AP3B1: variants seen among roughly 807,000 people sequenced by gnomAD.
AP3B1 encodes the protein adaptor related protein complex 3 subunit beta 1.
In AP3B1, 61 loss-of-function variants were observed where a neutral mutation model predicts 132.5. That is an observed-to-expected ratio of 0.46 (90% CI 0.37 to 0.57). AP3B1 has a LOEUF of 0.57. AP3B1 is among the 20% of genes least tolerant of loss of function. The pLI, the probability that AP3B1 is intolerant of heterozygous loss-of-function variation, is 0.00. For synonymous variants in AP3B1, 388 were observed against 438.3 expected, an observed-to-expected ratio of 0.89 and a Z score of 1.43; for missense variants, 1,120 against 1,289.4, an observed-to-expected ratio of 0.87 and a Z score of 2.01.
intron 6 of AP3B1, among the ~76,000 whole-genome samples, chr5:78,223,327 T>C (rs1746268745): frequency 6.6e-6 from 1 of 152,054 alleles, no homozygotes; most frequent in African/African-American, 2.4e-5. Context: ...AATAAACATA[T>C]AGTATATAAC....
At chr5:78,274,374 T>C (rs1444251372) in intron 1 of AP3B1, among the ~76,000 whole-genome samples, 1 of 147,170 alleles carries the variant, frequency 6.8e-6, no homozygotes, top group Non-Finnish European at 1.5e-5. Flanking sequence ...ATGGAAAAAA[T>C]AGAACAGAGC....
chr5:78,086,994 A>G (rs183023807), intron 22 of AP3B1, among the ~76,000 whole-genome samples: 2 of 152,314 alleles, frequency 1.3e-5, no homozygotes, highest in East Asian at 1.9e-4. Flanking sequence ...TAACACACCT[A>G]TATCAATCTG....
intron 17 of AP3B1, among the ~76,000 whole-genome samples, chr5:78,119,100 C>T (rs141358175): frequency 3.5e-3 from 539 of 152,350 alleles, no homozygotes; most frequent in African/African-American, 0.012. Flanking sequence ...TGACCTCTAG[C>T]AAACTCCAAC....
rs145445520 is a variant in AP3B1, at chr5:78,256,562, T to C, written c.204+10958A>G. Among the ~76,000 whole-genome samples the C allele has an allele frequency of 2.4e-3, 366 of 152,182 alleles. 1 individual carries two copies. The highest frequency in any genetic ancestry group is 8.1e-3 in the African/African-American group (335 of 41,548). The stretch of plus-strand genomic sequence containing the variant: ...CACTGAAGAAAAGCCCAGGACCCGA[T>C]AGCTTAACTGCTAAATTCTACCAAA... On this transcript the variant is annotated intron_variant, in intron 2 of 26. Transcript: ENST00000255194.
chr5:78,067,823 AT>A (rs1208153985), intron 22 of AP3B1, among the ~76,000 whole-genome samples: 1 of 152,194 alleles, frequency 6.6e-6, no homozygotes, highest in African/African-American at 2.4e-5. Context: ...AAGCTCTCAA[AT>A]TGACATCCTA....
chr5:78,002,289 A>G (rs889611344), downstream of AP3B1: 37 of 246,038 alleles, frequency 1.5e-4, no homozygotes, highest in African/African-American at 6.7e-4. Context: ...GAACTTCAGG[A>G]TTATTAATAG....
chr5:78,136,179 C>T (rs1752902708), intron 15 of AP3B1, among the ~76,000 whole-genome samples: 1 of 152,038 alleles, frequency 6.6e-6, no homozygotes, highest in South Asian at 2.1e-4. Flanking sequence ...AAGAATACAG[C>T]AGTTGCTCGC....
At chr5:78,066,534 T>C (rs1458686926) in intron 22 of AP3B1, among the ~76,000 whole-genome samples, 3 of 152,206 alleles carry the variant, frequency 2.0e-5, no homozygotes, top group East Asian at 1.9e-4. Flanking sequence ...CAAGTATCAA[T>C]AGCCAAACAG....
chr5:78,110,123 C>A, intron 20 of AP3B1, 84 bp downstream of exon 20: 1 of 1,212,390 alleles, frequency 8.2e-7, no homozygotes, highest in Non-Finnish European at 1.2e-6. Flanking sequence ...AATAAAATCA[C>A]AGGAGTAGAT....
At chr5:78,148,985 G>A (rs1380878326) in intron 14 of AP3B1, among the ~76,000 whole-genome samples, 2 of 151,972 alleles carry the variant, frequency 1.3e-5, no homozygotes, top group Admixed American at 6.6e-5. Flanking sequence ...TGTCCATTTC[G>A]GCGGCTTTGA....
At chr5:78,123,135 G>C (rs1478889717) in intron 17 of AP3B1, among the ~76,000 whole-genome samples, 2 of 152,222 alleles carry the variant, frequency 1.3e-5, no homozygotes, top group Non-Finnish European at 2.9e-5. Context: ...GGGAAAACTG[G>C]CTAGCCAGAT....
intron 16 of AP3B1, 80 bp downstream of exon 16, chr5:78,129,041 T>C: frequency 8.3e-7 from 1 of 1,200,610 alleles, no homozygotes. Context: ...AAGAGATAAA[T>C]TTTAAGCACA....
chr5:78,294,122 A>C (rs1293170084), intron 1 of AP3B1, among the ~76,000 whole-genome samples: 4 of 152,146 alleles, frequency 2.6e-5, no homozygotes, highest in Non-Finnish European at 4.4e-5. Context: ...AATAAACTAG[A>C]AGACGATGCT....
chr5:78,120,721 T>C (rs9765616), intron 17 of AP3B1, among the ~76,000 whole-genome samples: 1 of 151,162 alleles, frequency 6.6e-6, no homozygotes, highest in Admixed American at 6.6e-5. Flanking sequence ...CAAAGAGACT[T>C]AGACTCCCAC....
intron 7 of AP3B1, among the ~76,000 whole-genome samples, chr5:78,191,806 A>G (rs182825825): frequency 4.7e-4 from 71 of 152,326 alleles, no homozygotes; most frequent in Non-Finnish European, 9.1e-4. Flanking sequence ...AAGTATACTG[A>G]TAATTACTGT....
intron 26 of AP3B1, among the ~76,000 whole-genome samples, chr5:78,003,767 C>T (rs1297416948): frequency 6.6e-6 from 1 of 152,102 alleles, no homozygotes; most frequent in East Asian, 1.9e-4. Flanking sequence ...CTCTAAATTC[C>T]AAGACATGAA....
chr5:78,190,666 T>C (rs1744789925), intron 7 of AP3B1, among the ~76,000 whole-genome samples: 1 of 152,194 alleles, frequency 6.6e-6, no homozygotes. Flanking sequence ...TGTCTTGGTT[T>C]ACTCATCTAT....
chr5:78,157,150 A>G (rs915221600), intron 13 of AP3B1, among the ~76,000 whole-genome samples: 1 of 152,134 alleles, frequency 6.6e-6, no homozygotes, highest in African/African-American at 2.4e-5. Flanking sequence ...CTGGTATTAC[A>G]TGCAATCCCC....
chr5:78,065,475 C>G (rs1050391527), intron 22 of AP3B1, among the ~76,000 whole-genome samples: 7 of 152,160 alleles, frequency 4.6e-5, no homozygotes, highest in Non-Finnish European at 8.8e-5. Context: ...TTTCCCCTGC[C>G]AGTGCCGGGG....
Sources: allele counts gnomAD v4.1 joint callset (sites outside exome capture counted in the v4.1 genomes callset), GRCh38; gene constraint gnomAD v4.1.1; transcripts MANE v1.5; gene names NCBI Gene and HGNC (gene_info 2026-07-23, HGNC 2026-07-21).